Variants in CMTM4 observed in about 807,000 individuals in gnomAD.
CMTM4 encodes CKLF like MARVEL transmembrane domain containing 4.
In CMTM4, 8 loss-of-function variants were observed where a neutral mutation model predicts 19.0. That is an observed-to-expected ratio of 0.42 (90% CI 0.25 to 0.76). The LOEUF (loss-of-function observed/expected upper bound fraction) is 0.76, where lower values mean the gene tolerates loss of function less well. Among genes scored for constraint, CMTM4 ranks in the 30% least tolerant of loss-of-function variants. The pLI is 0.27. For missense variants in CMTM4, 228 were observed against 290.2 expected (o/e 0.79, Z 1.56); for synonymous variants, 106 against 121.1 (o/e 0.88, Z 0.82).
intron 1 of CMTM4, among the ~76,000 whole-genome samples, chr16:66,639,361 C>T (rs2016058237): frequency 6.6e-6 from 1 of 152,168 alleles, no homozygotes; most frequent in African/African-American, 2.4e-5. Context: ...TAAATATTAA[C>T]ATAAAAATGG....
At chr16:66,651,389 C>T (rs555910647) in intron 1 of CMTM4, among the ~76,000 whole-genome samples, 1 of 152,264 alleles carries the variant, frequency 6.6e-6, no homozygotes, top group East Asian at 1.9e-4. Context: ...TTCTGCAATG[C>T]CAGGCACCTC....
chr16:66,672,354 G>A (rs373203327), intron 1 of CMTM4, among the ~76,000 whole-genome samples: 63 of 146,624 alleles, frequency 4.3e-4, no homozygotes, highest in African/African-American at 1.3e-3. Context: ...GCAATAAGCC[G>A]AGATTGAGCC....
chr16:66,643,541 G>C (rs1001696257), intron 1 of CMTM4, among the ~76,000 whole-genome samples: 9 of 152,298 alleles, frequency 5.9e-5, no homozygotes, highest in East Asian at 3.9e-4. Context: ...GCATAAAATT[G>C]TAAGTACAGA....
intron 1 of CMTM4, among the ~76,000 whole-genome samples, chr16:66,675,466 A>C (rs2016793808): frequency 1.3e-5 from 2 of 151,388 alleles, no homozygotes; most frequent in Non-Finnish European, 2.9e-5. Flanking sequence ...TTAAAAAAAA[A>C]AAAAAAAAAA....
At chr16:66,607,021 G>C in the CMTM4 span, among the ~76,000 whole-genome samples, 1 of 152,290 alleles carries the variant, frequency 6.6e-6, no homozygotes, top group Middle Eastern at 3.4e-3. Context: ...AACTCTATCT[G>C]GGGGGTCAGC....
intron 1 of CMTM4, among the ~76,000 whole-genome samples, chr16:66,655,963 G>A (rs2016391330): frequency 6.6e-6 from 1 of 152,004 alleles, no homozygotes; most frequent in South Asian, 2.1e-4. Context: ...AAATTAGCCG[G>A]GAATGGTAGC....
intron 1 of CMTM4, among the ~76,000 whole-genome samples, chr16:66,647,103 C>T (rs1596928802): frequency 7.3e-6 from 1 of 136,176 alleles, no homozygotes; most frequent in East Asian, 2.1e-4. Flanking sequence ...ATCATGAAGT[C>T]AGGAGATCAA....
chr16:66,606,311 G>A, the CMTM4 span, among the ~76,000 whole-genome samples: 1 of 152,098 alleles, frequency 6.6e-6, no homozygotes, highest in African/African-American at 2.4e-5. Flanking sequence ...ATTGAGAGGG[G>A]AATCCCCAGA....
the CMTM4 span, chr16:66,604,977 G>T: frequency 6.8e-7 from 1 of 1,467,336 alleles, no homozygotes; most frequent in Non-Finnish European, 9.0e-7. Context: ...ACCCTCGGCC[G>T]CCCCGCTAGG....
intron 1 of CMTM4, among the ~76,000 whole-genome samples, chr16:66,662,604 G>C (rs187958851): frequency 1.7e-4 from 26 of 152,208 alleles, no homozygotes; most frequent in African/African-American, 5.8e-4. Context: ...GTCCACAACA[G>C]AGGAGTCGAC....
chr16:66,693,311 TC>T (rs1290823959), intron 1 of CMTM4, among the ~76,000 whole-genome samples: 1 of 152,240 alleles, frequency 6.6e-6, no homozygotes, highest in East Asian at 1.9e-4. Flanking sequence ...CAGTGGCTAC[TC>T]CGAGGCACCA....
At chr16:66,648,166 A>G (rs1403283061) in intron 1 of CMTM4, among the ~76,000 whole-genome samples, 6 of 152,236 alleles carry the variant, frequency 3.9e-5, no homozygotes, top group African/African-American at 1.4e-4. Flanking sequence ...TGTTGCCAGT[A>G]TGAGATGTTC....
intron 1 of CMTM4, among the ~76,000 whole-genome samples, chr16:66,664,110 G>A (rs185503736): frequency 1.0e-3 from 156 of 152,094 alleles, no homozygotes; most frequent in African/African-American, 3.6e-3. Flanking sequence ...GTGGGCACCT[G>A]TAGTCCCAGC....
At position 66,619,841 on chromosome 16, in the gene CMTM4, T is replaced by C; in HGVS notation, c.*2217A>G. On this transcript the variant is annotated 3_prime_UTR_variant, in exon 4 of 4. Transcript: ENST00000394106. ...AAATAGTTACAGGGACATAAATAAT[T>C]CTGAAGAGTCTATCACGAAGATGCA... The C allele has an allele frequency of 1.0e-6, 1 of 985,386 alleles. No homozygotes were observed. Among genetic ancestry groups the C allele is most frequent in the Non-Finnish European group, 1.2e-6 (1 of 829,924 alleles). The allele number at this position is 985,386 out of a possible 1,614,324, so 61.0% of individuals were successfully genotyped here.
chr16:66,649,985 T>C (rs1455290741), intron 1 of CMTM4, among the ~76,000 whole-genome samples: 1 of 152,116 alleles, frequency 6.6e-6, no homozygotes, highest in Non-Finnish European at 1.5e-5. Flanking sequence ...CACGCTATTA[T>C]ACACAAAAAG....
chr16:66,627,498 T>A (rs2015766430), intron 2 of CMTM4, among the ~76,000 whole-genome samples: 1 of 152,242 alleles, frequency 6.6e-6, no homozygotes, highest in African/African-American at 2.4e-5. Context: ...TATAATTCAA[T>A]CACAATGTAA....
At chr16:66,608,592 A>T in the CMTM4 span, 2 of 876,002 alleles carry the variant, frequency 2.3e-6, no homozygotes, top group Non-Finnish European at 3.5e-6. This position sits in a 1 kb window ranked among gnomAD's most constrained non-coding sequence, Gnocchi z 5.1. Flanking sequence ...TTAGAACTGG[A>T]TGGAGAGACC....
rs1491498902 is a variant in CMTM4, at chr16:66,683,180, T to TATATATATATATAC, written c.186+13159_186+13160insGTATATATATATAT. ...ATATACGTATATATATATATACATA[T>TATATATATATATAC]GTATATATATATACATATATATATA... On this transcript the variant is annotated intron_variant, in intron 1 of 3. Coordinates refer to ENST00000394106, the MANE Select transcript of CMTM4 (RefSeq NM_181521.3). 2.5e-4 allele frequency among the ~76,000 whole-genome samples: 21 copies of TATATATATATATAC among 85,664 alleles called. 1 individual carries two copies. Among genetic ancestry groups the TATATATATATATAC allele is most frequent in the East Asian group, 1.2e-3 (3 of 2,486 alleles). 56.2% of individuals were successfully genotyped at this position (85,664 alleles called of 152,430 possible). A position where few individuals can be genotyped will look rare whatever the true frequency, so the allele number is the denominator to read the frequency against.
the CMTM4 span, chr16:66,608,220 T>C: frequency 6.8e-7 from 1 of 1,478,936 alleles, no homozygotes; most frequent in Non-Finnish European, 9.3e-7. This position sits in a 1 kb window ranked among gnomAD's most constrained non-coding sequence, Gnocchi z 5.1. Context: ...TGGAACCTCC[T>C]CTATCCTGAC....
Sources: gnomAD v4.1 joint callset for allele counts (sites outside exome capture counted in the v4.1 genomes callset) on GRCh38, gnomAD v4.1.1 for gene constraint, Gnocchi (gnomAD v3.1) non-coding constraint, MANE v1.5 for transcripts, NCBI Gene and HGNC (gene_info 2026-07-23, HGNC 2026-07-21) for gene names.